The following PHLPP1 variants were observed in gnomAD, a reference collection of about 807,000 sequenced individuals.
PHLPP1 encodes PH domain leucine-rich repeat-containing protein phosphatase 1.
PHLPP1 carries 42 observed loss-of-function variants against 117.2 expected under a neutral mutation model. The ratio of observed to expected loss-of-function variants is 0.36; its 90% CI spans 0.28 to 0.46. PHLPP1 has a LOEUF of 0.46. PHLPP1 is among the 20% of genes least tolerant of loss of function. The pLI is 1.00. For synonymous variants in PHLPP1, 1,042 were observed against 970.7 expected (o/e 1.07, Z -1.37); for missense variants, 2,084 against 2,241.9 (o/e 0.93, Z 1.42).
At chr18:62,855,428 C>G (rs1282811192) in intron 3 of PHLPP1, among the ~76,000 whole-genome samples, 1 of 152,112 alleles carries the variant, frequency 6.6e-6, no homozygotes, top group Admixed American at 6.6e-5. Flanking sequence ...GTTCTTAACT[C>G]TTTGTGATAG....
intron 9 of PHLPP1, among the ~76,000 whole-genome samples, chr18:62,919,379 C>T (rs149667301): frequency 2.6e-5 from 4 of 152,310 alleles, no homozygotes; most frequent in African/African-American, 4.8e-5. Flanking sequence ...TTTCGGGAGA[C>T]AGTCTCTACC....
At chr18:62,836,386 C>T (rs974016319) in intron 2 of PHLPP1, among the ~76,000 whole-genome samples, 1 of 150,740 alleles carries the variant, frequency 6.6e-6, no homozygotes, top group Non-Finnish European at 1.5e-5. Context: ...GAGCTGAGAT[C>T]GTGCCACTGC....
chr18:62,871,644 ATTTT>A (rs71160879), intron 4 of PHLPP1, among the ~76,000 whole-genome samples: 1 of 108,622 alleles, frequency 9.2e-6, no homozygotes. Flanking sequence ...AGCTCTGAAA[ATTTT>A]TTTTTTTTTT....
intron 1 of PHLPP1, among the ~76,000 whole-genome samples, chr18:62,729,547 C>T (rs192451376): frequency 2.0e-3 from 304 of 152,152 alleles, no homozygotes; most frequent in African/African-American, 6.5e-3. Flanking sequence ...TGGTGGTGTG[C>T]GGCTGTAATC....
At chr18:62,945,340 A>C (rs1910250072) in intron 12 of PHLPP1, 69 bp downstream of exon 12, 1 of 1,281,560 alleles carries the variant, frequency 7.8e-7, no homozygotes, top group Admixed American at 2.6e-5. Context: ...TAACTCATCA[A>C]CTCAGGACGT....
intron 9 of PHLPP1, among the ~76,000 whole-genome samples, chr18:62,915,934 C>A (rs1257151421): frequency 6.6e-6 from 1 of 152,220 alleles, no homozygotes; most frequent in East Asian, 1.9e-4. Flanking sequence ...CAGCCAGTCA[C>A]TGAACAGAGG....
At chr18:62,952,881 C>T (rs1397256369) in intron 12 of PHLPP1, among the ~76,000 whole-genome samples, 1 of 152,130 alleles carries the variant, frequency 6.6e-6, no homozygotes, top group Non-Finnish European at 1.5e-5. Flanking sequence ...AACGGTCTCC[C>T]AAAGTGCTGG....
chr18:62,796,087 T>C (rs1913624080), intron 1 of PHLPP1, among the ~76,000 whole-genome samples: 1 of 152,242 alleles, frequency 6.6e-6, no homozygotes, highest in African/African-American at 2.4e-5. Context: ...GAGTCCACGG[T>C]TTACAAAGCA....
intron 1 of PHLPP1, among the ~76,000 whole-genome samples, chr18:62,775,978 G>A (rs1912942068): frequency 6.6e-6 from 1 of 151,920 alleles, no homozygotes; most frequent in South Asian, 2.1e-4. Flanking sequence ...ACAAAATGTT[G>A]TATTAGGGTT....
At chr18:62,851,386 A>G (rs1238100351) in intron 3 of PHLPP1, among the ~76,000 whole-genome samples, 1 of 152,142 alleles carries the variant, frequency 6.6e-6, no homozygotes, top group African/African-American at 2.4e-5. Context: ...CAGGTACCTC[A>G]TAGCCTATCA....
At chr18:62,757,843 A>G (rs1439734769) in intron 1 of PHLPP1, among the ~76,000 whole-genome samples, 2 of 152,202 alleles carry the variant, frequency 1.3e-5, no homozygotes, top group Non-Finnish European at 2.9e-5. Flanking sequence ...CAACCTGTGA[A>G]TATTTCCTGC....
At position 62,717,072 on chromosome 18, in the gene PHLPP1, TCCGCCGCCC is replaced by T. The variant is rs745450171; in HGVS notation, c.1399_1407del (p.Pro467_Pro469del). 89 of 1,323,480 alleles carry T rather than the reference TCCGCCGCCC, an allele frequency of 6.7e-5. No homozygotes were observed. Among genetic ancestry groups the T allele is most frequent in the African/African-American group, 1.6e-4 (11 of 67,500 alleles). 82.0% of individuals were successfully genotyped at this position (1,323,480 alleles called of 1,614,324 possible). A position where few individuals can be genotyped will look rare whatever the true frequency, so the allele number is the denominator to read the frequency against. Reference sequence around the variant, plus strand: ...GCGGGGTGACCGCGGAGAAGGCGCCTCCGCCGCCCCCGCCGCCCACCCTGTACGTGCAGC... The same window carrying T: ...GCGGGGTGACCGCGGAGAAGGCGCCTCCGCCGCCCACCCTGTACGTGCAGC... On this transcript the variant is annotated inframe_deletion, in exon 1 of 17. Transcript: ENST00000262719.
At chr18:62,898,144 T>C (rs1041711476) in intron 6 of PHLPP1, among the ~76,000 whole-genome samples, 2 of 147,622 alleles carry the variant, frequency 1.4e-5, no homozygotes, top group Non-Finnish European at 3.0e-5. Context: ...ATCTTGATGT[T>C]AATCATTCCC....
intron 15 of PHLPP1, 120 bp downstream of exon 15, chr18:62,972,828 C>G: frequency 1.4e-6 from 1 of 738,698 alleles, no homozygotes; most frequent in Non-Finnish European, 2.2e-6. Context: ...CTATGAGTAC[C>G]AAGATGCATT....
chr18:62,975,530 C>A lies in PHLPP1; in HGVS notation c.3889C>A (p.Arg1297=), dbSNP rs752625520. Reference sequence around the variant, plus strand: ...GGGCAAGTGCCAAACAGTTCTCTGTCGAAATGGAAAGCCGCTGCCTCTGTC... The same window carrying A: ...GGGCAAGTGCCAAACAGTTCTCTGTAGAAATGGAAAGCCGCTGCCTCTGTC... ...NVGKCQTVLC[R]NGKPLPLSRS... Residue 1297 remains arginine, a synonymous_variant, in exon 16 of 17, where the codon CGA becomes AGA. Transcript: ENST00000262719. 6 of 1,613,764 alleles carry A rather than the reference C, an allele frequency of 3.7e-6. No individual in the cohort carries two copies. The African/African-American group carries it at 4.0e-5, about 11-fold the overall frequency.
At chr18:62,940,354 CTTTTTTTTT>C (rs66530466) in intron 10 of PHLPP1, among the ~76,000 whole-genome samples, 17 of 46,812 alleles carry the variant, frequency 3.6e-4, no homozygotes, top group South Asian at 1.1e-3. Flanking sequence ...TCTTTCTTTT[CTTTTTTTTT>C]TTTTTTTTTT....
intron 8 of PHLPP1, among the ~76,000 whole-genome samples, chr18:62,912,681 G>A (rs970070907): frequency 6.6e-5 from 10 of 152,108 alleles, no homozygotes; most frequent in African/African-American, 2.4e-4. Context: ...GTGCAGTGGC[G>A]CAATCTTGGC....
At chr18:62,807,678 G>A (rs988872166) in intron 1 of PHLPP1, among the ~76,000 whole-genome samples, 2 of 152,162 alleles carry the variant, frequency 1.3e-5, no homozygotes, top group Non-Finnish European at 1.5e-5. Flanking sequence ...AACCTGTGCA[G>A]CGTGTTACTG....
chr18:62,856,917 C>T (rs1384375962), intron 3 of PHLPP1, among the ~76,000 whole-genome samples: 1 of 151,902 alleles, frequency 6.6e-6, no homozygotes, highest in East Asian at 1.9e-4. Flanking sequence ...AGTCTTGACC[C>T]CCTTTCTCAA....
Sources: gnomAD v4.1 joint callset for allele counts (sites outside exome capture counted in the v4.1 genomes callset) on GRCh38, gnomAD v4.1.1 for gene constraint, MANE v1.5 for transcripts, NCBI Gene and HGNC (gene_info 2026-07-23, HGNC 2026-07-21) for gene names.